The following COBLL1 variants were observed in gnomAD, a reference collection of about 807,000 sequenced individuals.
COBLL1 encodes cordon-bleu protein-like 1.
COBLL1 carries 50 observed loss-of-function variants against 94.8 expected under a neutral mutation model. The observed-to-expected ratio is 0.53, with a 90% CI of 0.42 to 0.67. The LOEUF (loss-of-function observed/expected upper bound fraction) is 0.67. Ranked by LOEUF, COBLL1 falls within the 30% of genes least tolerant of loss-of-function variation. The pLI, the probability that COBLL1 is intolerant of heterozygous loss-of-function variation, is 0.00. For synonymous variants in COBLL1, 448 were observed against 473.8 expected, an observed-to-expected ratio of 0.95 and a Z score of 0.71; for missense variants, 1,362 against 1,348.7, an observed-to-expected ratio of 1.01 and a Z score of -0.15.
At chr2:164,718,967 G>A (rs1028863718) in intron 7 of COBLL1, among the ~76,000 whole-genome samples, 1 of 151,886 alleles carries the variant, frequency 6.6e-6, no homozygotes, top group Non-Finnish European at 1.5e-5. Flanking sequence ...ATTCTGTAGA[G>A]GATCTTGGAT....
chr2:164,811,740 T>C (rs914200600), intron 2 of COBLL1, among the ~76,000 whole-genome samples: 8 of 152,084 alleles, frequency 5.3e-5, no homozygotes, highest in Admixed American at 1.3e-4. Flanking sequence ...AAAGTATATT[T>C]AGGTTTCTGT....
At chr2:164,740,165 A>T (rs769024584) in intron 3 of COBLL1, among the ~76,000 whole-genome samples, 1 of 152,128 alleles carries the variant, frequency 6.6e-6, no homozygotes, top group Non-Finnish European at 1.5e-5. Context: ...ACACTGATAT[A>T]CATGCTGGGC....
intron 1 of COBLL1, among the ~76,000 whole-genome samples, chr2:164,668,439 G>A (rs543021603): frequency 1.7e-3 from 254 of 152,316 alleles, no homozygotes; most frequent in Non-Finnish European, 3.1e-3. Context: ...GGAGACAAGA[G>A]AGATGGGGGA....
chr2:164,801,495 A>C (rs1037979431), intron 2 of COBLL1, among the ~76,000 whole-genome samples: 1 of 143,754 alleles, frequency 7.0e-6, no homozygotes, highest in Non-Finnish European at 1.5e-5. Context: ...GTGGCAACAC[A>C]CCTGTAGTCC....
chr2:164,831,419 A>C (rs1482303936), intron 2 of COBLL1, among the ~76,000 whole-genome samples: 1 of 151,592 alleles, frequency 6.6e-6, no homozygotes, highest in East Asian at 1.9e-4. Flanking sequence ...GGATCATTTA[A>C]ATTTTACTTA....
intron 1 of COBLL1, among the ~76,000 whole-genome samples, chr2:164,666,218 A>G (rs1691156499): frequency 6.6e-6 from 1 of 152,212 alleles, no homozygotes; most frequent in Admixed American, 6.5e-5. Flanking sequence ...CCACTACAAT[A>G]TAATAAATAT....
chr2:164,742,176 C>A (rs775465008), intron 3 of COBLL1, among the ~76,000 whole-genome samples: 2 of 151,824 alleles, frequency 1.3e-5, no homozygotes, highest in Non-Finnish European at 2.9e-5. Flanking sequence ...ATTAAAGTCA[C>A]TGAGGTTTAA....
chr2:164,681,231 T>C lies in COBLL1; in HGVS notation c.*4715A>G, dbSNP rs977982966. On this transcript the variant is annotated 3_prime_UTR_variant, in exon 14 of 14. Transcript: ENST00000652658. Reference sequence around the variant, plus strand: ...TATTGCTGGGGTAAGCATTTATTGCTTACACATCAGAGTAAACTGGGGGCC... The same window carrying C: ...TATTGCTGGGGTAAGCATTTATTGCCTACACATCAGAGTAAACTGGGGGCC... 4 of 152,164 alleles carry C rather than the reference T, an allele frequency of 2.6e-5. No individual in the cohort carries two copies. The highest frequency in any genetic ancestry group is 9.7e-5 in the African/African-American group (4 of 41,442). The allele number at this position is 152,164 out of a possible 1,614,324, so 9.4% of individuals were successfully genotyped here.
intron 2 of COBLL1, among the ~76,000 whole-genome samples, chr2:164,804,820 G>A (rs1684005751): frequency 6.6e-6 from 1 of 152,158 alleles, no homozygotes; most frequent in African/African-American, 2.4e-5. Context: ...ATCTCCTAGT[G>A]CAGCTCAAAT....
chr2:164,832,815 G>A (rs1317010258), intron 2 of COBLL1, among the ~76,000 whole-genome samples: 1 of 152,202 alleles, frequency 6.6e-6, no homozygotes, highest in South Asian at 2.1e-4. Flanking sequence ...AGGCCGAGGC[G>A]GGCGGATCAC....
intron 2 of COBLL1, among the ~76,000 whole-genome samples, chr2:164,784,890 T>C (rs355905): frequency 0.54 from 81,370 of 151,826 alleles, 23,783 homozygotes; most frequent in African/African-American, 0.78. Flanking sequence ...CCTCCCTTTC[T>C]AAGTTGTGTT....
chr2:164,664,393 A>G (rs1290531472), intron 2 of COBLL1, among the ~76,000 whole-genome samples: 2 of 152,264 alleles, frequency 1.3e-5, no homozygotes, highest in African/African-American at 2.4e-5. Flanking sequence ...GTCATTGCCT[A>G]TATTTGAGAC....
intron 7 of COBLL1, among the ~76,000 whole-genome samples, chr2:164,715,577 A>T (rs893822095): frequency 1.3e-5 from 2 of 152,108 alleles, no homozygotes; most frequent in African/African-American, 4.8e-5. Flanking sequence ...TACATTTCAT[A>T]AGTATATGAC....
chr2:164,659,230 ATTACT>A (rs778347522), intron 2 of COBLL1, among the ~76,000 whole-genome samples: 4 of 152,158 alleles, frequency 2.6e-5, no homozygotes, highest in Non-Finnish European at 5.9e-5. Flanking sequence ...GAGTGAGGGG[ATTACT>A]TTAAAGTATT....
chr2:164,801,264 C>A (rs1409862600), intron 2 of COBLL1, among the ~76,000 whole-genome samples: 5 of 150,902 alleles, frequency 3.3e-5, no homozygotes, highest in Non-Finnish European at 5.9e-5. Flanking sequence ...AAGGTGAAAC[C>A]CCGTCTCTAC....
Position 164,704,459 on chromosome 2 carries a change from C to G in COBLL1, c.1210G>C (p.Glu404Gln), listed in dbSNP as rs370722575. 1.1e-5 allele frequency: 17 copies of G among 1,612,076 alleles called. No homozygotes were observed. The highest frequency in any genetic ancestry group is 1.4e-5 in the Non-Finnish European group (17 of 1,178,302). The change falls in exon 9 of 14, where the codon GAG becomes CAG. Residue 404 changes from glutamate (E) to glutamine (Q), a missense_variant. Transcript: ENST00000652658. ...DSASEANSPE[E>Q]LSSPAGISSD... ...GGTGTCATACCTGGGCTGGATAGCT[C>G]CTCAGGAGAGTTTGCTTCTGAAGCA...
rs1422267144 is a variant in COBLL1, at chr2:164,727,937, C to T, written c.661+32G>A. ...CAAACATATACAAATATACACATCC[C>T]ACTAAATAAATAAAATAAAAGTCTT... On this transcript the variant is annotated intron_variant, in intron 5 of 13. Coordinates refer to ENST00000652658, the MANE Select transcript of COBLL1 (RefSeq NM_001365672.2). 2.9e-6 allele frequency: 4 copies of T among 1,395,602 alleles called. No homozygotes were observed. The African/African-American group carries it at 4.3e-5, about 15-fold the overall frequency. 86.5% of individuals were successfully genotyped at this position (1,395,602 alleles called of 1,614,324 possible). A position where few individuals can be genotyped will look rare whatever the true frequency, so the allele number is the denominator to read the frequency against.
intron 2 of COBLL1, among the ~76,000 whole-genome samples, chr2:164,664,852 A>G (rs1031298625): frequency 5.3e-5 from 8 of 152,238 alleles, no homozygotes; most frequent in Admixed American, 5.2e-4. Flanking sequence ...TTAACCAAAT[A>G]AAGTGCTGTT....
chr2:164,719,948 G>A (rs1685363982), intron 7 of COBLL1, among the ~76,000 whole-genome samples: 1 of 151,902 alleles, frequency 6.6e-6, no homozygotes, highest in Non-Finnish European at 1.5e-5. Context: ...AAAAAAAATA[G>A]AAGAGGGCTG....
Sources: allele counts gnomAD v4.1 joint callset (sites outside exome capture counted in the v4.1 genomes callset), GRCh38; gene constraint gnomAD v4.1.1; transcripts MANE v1.5; gene names NCBI Gene and HGNC (gene_info 2026-07-23, HGNC 2026-07-21).